Variants in SRPK2 observed in about 807,000 individuals in gnomAD.
SRPK2 encodes the protein SFRS protein kinase 2.
Under a neutral mutation model 90.8 loss-of-function variants are expected in SRPK2, and 21 were observed. The ratio of observed to expected loss-of-function variants is 0.23; its 90% CI spans 0.16 to 0.33. SRPK2 has a LOEUF of 0.33. Ranked by LOEUF, SRPK2 falls within the 10% of genes least tolerant of loss-of-function variation. The pLI is 1.00. For missense variants in SRPK2, 620 were observed against 869.0 expected, an observed-to-expected ratio of 0.71 and a Z score of 3.60; for synonymous variants, 288 against 311.1, an observed-to-expected ratio of 0.93 and a Z score of 0.78.
intron 11 of SRPK2, among the ~76,000 whole-genome samples, chr7:105,134,666 A>G (rs1404337124): frequency 2.0e-5 from 3 of 152,350 alleles, no homozygotes; most frequent in Non-Finnish European, 2.9e-5. Flanking sequence ...AGCAAGCCCC[A>G]TAAGAGGAAG....
At chr7:105,294,328 T>C (rs1809490533) in intron 2 of SRPK2, among the ~76,000 whole-genome samples, 1 of 152,202 alleles carries the variant, frequency 6.6e-6, no homozygotes, top group Non-Finnish European at 1.5e-5. Context: ...TTACCAGCAC[T>C]GTATTTAGCA....
chr7:105,304,589 C>G (rs1189240168), intron 2 of SRPK2, among the ~76,000 whole-genome samples: 3 of 152,182 alleles, frequency 2.0e-5, no homozygotes, highest in Non-Finnish European at 4.4e-5. Context: ...TGTATGCATA[C>G]TAAAGTAAAC....
intron 2 of SRPK2, among the ~76,000 whole-genome samples, chr7:105,211,398 A>AT (rs757519918): frequency 1.6e-4 from 25 of 152,292 alleles, no homozygotes; most frequent in Non-Finnish European, 3.2e-4. Flanking sequence ...TGGGTAATTT[A>AT]TAAAGAAAAG....
chr7:105,390,055 C>CT (rs1403730876), upstream of SRPK2, among the ~76,000 whole-genome samples: 2 of 152,196 alleles, frequency 1.3e-5, no homozygotes, highest in African/African-American at 4.8e-5. Context: ...TTTTAACATT[C>CT]TGCCACATTT....
At chr7:105,386,033 G>A (rs1391982393) in intron 2 of SRPK2, among the ~76,000 whole-genome samples, 1 of 152,048 alleles carries the variant, frequency 6.6e-6, no homozygotes, top group African/African-American at 2.4e-5. Flanking sequence ...CTCTATCACC[G>A]GCCGGGCTTG....
intron 14 of SRPK2, among the ~76,000 whole-genome samples, chr7:105,126,767 G>A (rs1018745769): frequency 5.3e-5 from 8 of 152,214 alleles, no homozygotes; most frequent in African/African-American, 1.2e-4. Flanking sequence ...AGGAAGAGCC[G>A]CTGGTGTAGG....
intron 2 of SRPK2, among the ~76,000 whole-genome samples, chr7:105,291,875 T>A (rs1051244638): frequency 2.0e-5 from 3 of 152,208 alleles, no homozygotes; most frequent in African/African-American, 7.2e-5. Context: ...AAGTTAGGGA[T>A]TGACTATTTT....
In SRPK2 at chr7:105,296,480, A is replaced by T. The variant is rs190529221; in HGVS notation, c.71+92168T>A. 2.4e-4 allele frequency among the ~76,000 whole-genome samples: 37 copies of T among 152,196 alleles called. 1 individual carries two copies. Among genetic ancestry groups the T allele is most frequent in the East Asian group, 2.3e-3 (12 of 5,192 alleles). On this transcript the variant is annotated intron_variant, in intron 2 of 15. Transcript: ENST00000393651. ...ATTTCCAGTTAGTGTATAAGATTTT[A>T]AAAAAAAGTCTTTAGAAAAAAGATT...
intron 3 of SRPK2, among the ~76,000 whole-genome samples, chr7:105,193,294 G>T (rs1339435125): frequency 6.6e-6 from 1 of 152,124 alleles, no homozygotes; most frequent in Non-Finnish European, 1.5e-5. Context: ...TTGTTGAATA[G>T]GGTGTCTGTT....
intron 3 of SRPK2, among the ~76,000 whole-genome samples, chr7:105,172,461 A>G (rs1791278019): frequency 6.6e-6 from 1 of 152,230 alleles, no homozygotes; most frequent in Admixed American, 6.5e-5. Flanking sequence ...ATACAGAGTG[A>G]GAACCTTTAA....
At chr7:105,214,408 T>C (rs1251971239) in intron 2 of SRPK2, among the ~76,000 whole-genome samples, 1 of 152,222 alleles carries the variant, frequency 6.6e-6, no homozygotes, top group Non-Finnish European at 1.5e-5. Context: ...TCACAGATGA[T>C]TCCAATATCT....
chr7:105,319,928 G>A (rs886957178), intron 2 of SRPK2, among the ~76,000 whole-genome samples: 7 of 147,100 alleles, frequency 4.8e-5, no homozygotes, highest in Non-Finnish European at 7.4e-5. Context: ...TGAATCTCCC[G>A]TGATTCTTGG....
intron 6 of SRPK2, among the ~76,000 whole-genome samples, chr7:105,166,563 G>C (rs1214037468): frequency 6.6e-6 from 1 of 152,152 alleles, no homozygotes; most frequent in Non-Finnish European, 1.5e-5. Flanking sequence ...TTAAACTTGA[G>C]TGACGAATTT....
At chr7:105,388,282 G>C (rs990905203) in intron 2 of SRPK2, among the ~76,000 whole-genome samples, 5 of 151,686 alleles carry the variant, frequency 3.3e-5, no homozygotes, top group African/African-American at 9.7e-5. Context: ...CCCAGCGGCA[G>C]ACGCCGGGGC....
intron 3 of SRPK2, among the ~76,000 whole-genome samples, chr7:105,177,305 T>C (rs1449377280): frequency 2.0e-5 from 3 of 152,160 alleles, no homozygotes; most frequent in Non-Finnish European, 4.4e-5. Flanking sequence ...AAAAAAATTA[T>C]TTAGAACATA....
At chr7:105,349,727 T>C (rs749072579) in intron 2 of SRPK2, among the ~76,000 whole-genome samples, 3 of 152,086 alleles carry the variant, frequency 2.0e-5, no homozygotes, top group Non-Finnish European at 2.9e-5. Flanking sequence ...GCAAAGTTAC[T>C]ATTTATTGAA....
intron 2 of SRPK2, among the ~76,000 whole-genome samples, chr7:105,379,342 C>T (rs916060883): frequency 2.0e-5 from 3 of 151,828 alleles, no homozygotes; most frequent in Non-Finnish European, 4.4e-5. Context: ...TATTAGTAAT[C>T]CAGAGATAAT....
At chr7:105,209,688 AAAG>A (rs1248392129) in intron 2 of SRPK2, among the ~76,000 whole-genome samples, 1 of 152,086 alleles carries the variant, frequency 6.6e-6, no homozygotes, top group East Asian at 1.9e-4. Context: ...GAGAAAGAAA[AAAG>A]AAAAAGGAAA....
rs999995517 is a variant in SRPK2 at position 105,132,559 on chromosome 7, A to G, written c.1752+232T>C. The stretch of plus-strand genomic sequence containing the variant: ...CTGTGCAGGGCCTTAAGAAGAGACC[A>G]TGTCTCTCTCACAAGCCCACAACCA... On this transcript the variant is annotated intron_variant, in intron 13 of 15. Transcript: ENST00000393651. Among the ~76,000 whole-genome samples, 53 of 152,170 alleles carry G rather than the reference A, an allele frequency of 3.5e-4. 1 individual carries two copies. Among genetic ancestry groups the G allele is most frequent in the African/African-American group, 1.3e-3 (52 of 41,438 alleles).
Sources: gnomAD v4.1 joint callset for allele counts (sites outside exome capture counted in the v4.1 genomes callset) on GRCh38, gnomAD v4.1.1 for gene constraint, MANE v1.5 for transcripts, NCBI Gene and HGNC (gene_info 2026-07-23, HGNC 2026-07-21) for gene names.